The following LRRC4B variants were observed in gnomAD, a reference collection of about 807,000 sequenced individuals.
LRRC4B encodes leucine-rich repeat-containing protein 4B.
A neutral mutation model predicts 7.3 loss-of-function variants in LRRC4B; 1 was observed. That is an observed-to-expected ratio of 0.14 (90% CI 0.05 to 0.65). The LOEUF (loss-of-function observed/expected upper bound fraction) is 0.65. Ranked by LOEUF, LRRC4B falls within the 30% of genes least tolerant of loss-of-function variation. The pLI is 0.84. For missense variants in LRRC4B, 730 were observed against 1,041.6 expected, an observed-to-expected ratio of 0.70 and a Z score of 4.12; for synonymous variants, 500 against 499.2, an observed-to-expected ratio of 1.00 and a Z score of -0.02.
intron 2 of LRRC4B, among the ~76,000 whole-genome samples, chr19:50,532,111 C>G (rs1303714044): frequency 6.6e-6 from 1 of 152,164 alleles, no homozygotes; most frequent in African/African-American, 2.4e-5. Context: ...TGGCACACTC[C>G]TGTAGTCCCA....
intron 1 of LRRC4B, among the ~76,000 whole-genome samples, chr19:50,565,309 A>G (rs922271662): frequency 6.6e-6 from 1 of 152,214 alleles, no homozygotes; most frequent in African/African-American, 2.4e-5. Context: ...ACGAGGCCAC[A>G]GGACCACAAG....
Position 50,568,342 on chromosome 19 carries a change from C to G in LRRC4B, c.-434G>C, listed in dbSNP as rs1184316258. Among the ~76,000 whole-genome samples the G allele has an allele frequency of 6.8e-6, 1 of 147,336 alleles. No individual in the cohort carries two copies. Among genetic ancestry groups the G allele is most frequent in the Non-Finnish European group, 1.5e-5 (1 of 65,884 alleles). ...CGCCGCTCTCCCCCCACCCCACCCC[C>G]CCCCAGGCCCCGGCCCCGGCCCCGG... On this transcript the variant is annotated 5_prime_UTR_variant, in exon 1 of 3. Coordinates refer to ENST00000652263, the MANE Select transcript of LRRC4B (RefSeq NM_001080457.2).
Position 50,518,524 on chromosome 19 carries a change from G to T in LRRC4B, c.1189C>A (p.Leu397Met). ...TGTSMTSVNW[L>M]TPNGTLMTHG... is the part of the protein sequence containing the mutation. ...GTCATGAGGGTGCCGTTGGGCGTCA[G>T]CCAGTTGACGGAGGTCATGGAGGTG... Residue 397 changes from leucine (L) to methionine (M), a missense_variant, in exon 3 of 3, where the codon CTG becomes ATG. Transcript: ENST00000652263. 1 of 1,572,644 alleles carries T rather than the reference G, an allele frequency of 6.4e-7. No individual in the cohort carries two copies. Among genetic ancestry groups the T allele is most frequent in the Non-Finnish European group, 8.6e-7 (1 of 1,156,900 alleles).
rs1315086727 is a variant in LRRC4B at position 50,553,426 on chromosome 19, C to T, written c.-35-4553G>A. On this transcript the variant is annotated intron_variant, in intron 1 of 2. Transcript: ENST00000652263. This position sits in a 1 kb window ranked among gnomAD's most constrained non-coding sequence, Gnocchi z 4.2. The stretch of plus-strand genomic sequence containing the variant: ...TCATCGCTTCCCTCCTCCCCCTGCT[C>T]ACTCGCTGTTTCCAGAACAGGCCGT... Among the ~76,000 whole-genome samples, 1 of 152,216 alleles carries T rather than the reference C, an allele frequency of 6.6e-6. No individual in the cohort carries two copies. Among genetic ancestry groups the T allele is most frequent in the Non-Finnish European group, 1.5e-5 (1 of 68,044 alleles).
chr19:50,518,791 G>A lies in LRRC4B; in HGVS notation c.922C>T (p.Leu308Phe). The A allele has an allele frequency of 1.2e-6, 2 of 1,614,138 alleles. No homozygotes were observed. Among genetic ancestry groups the A allele is most frequent in the Non-Finnish European group, 1.7e-6 (2 of 1,179,990 alleles). ...TPLHRLERVH[L>F]NHNPWHCNCD... ...TTGCAATGCCAGGGGTTGTGGTTGA[G>A]GTGCACGCGCTCGAGGCGGTGCAGG... Residue 308 changes from leucine (L) to phenylalanine (F), a missense_variant, in exon 3 of 3, where the codon CTC (leucine) becomes TTC (phenylalanine). Transcript: ENST00000652263.
intron 2 of LRRC4B, among the ~76,000 whole-genome samples, chr19:50,520,132 G>A (rs2122766347): frequency 7.0e-6 from 1 of 142,372 alleles, no homozygotes; most frequent in African/African-American, 2.6e-5. Flanking sequence ...CGTGAGCCTG[G>A]AAAGTGAAGG....
At chr19:50,535,852 C>T (rs989329581) in intron 2 of LRRC4B, among the ~76,000 whole-genome samples, 3 of 152,230 alleles carry the variant, frequency 2.0e-5, no homozygotes, top group African/African-American at 4.8e-5. Flanking sequence ...GATGGCTACC[C>T]GCCTCCCACC....
At position 50,552,358 on chromosome 19, in the gene LRRC4B, G is replaced by A. The variant is rs372906368; in HGVS notation, c.-35-3485C>T. On this transcript the variant is annotated intron_variant, in intron 1 of 2. Transcript: ENST00000652263. Reference sequence around the variant, plus strand: ...ATACCACACCTGATATACCGGCACTGGAACCTGCGCCCTGCACCGTCACCC... The same window carrying A: ...ATACCACACCTGATATACCGGCACTAGAACCTGCGCCCTGCACCGTCACCC... Among the ~76,000 whole-genome samples, 5 of 151,972 alleles carry A rather than the reference G, an allele frequency of 3.3e-5. No homozygotes were observed. The East Asian group carries it at 9.7e-4, about 29-fold the overall frequency.
At chr19:50,532,366 C>T (rs1291847058) in intron 2 of LRRC4B, among the ~76,000 whole-genome samples, 1 of 152,220 alleles carries the variant, frequency 6.6e-6, no homozygotes, top group Non-Finnish European at 1.5e-5. Flanking sequence ...CAGACCTTGC[C>T]ACATCCCCAC....
At position 50,562,730 on chromosome 19, in the gene LRRC4B, G is replaced by GTT. The variant is rs778453544; in HGVS notation, c.-36+5212_-36+5213dup. On this transcript the variant is annotated intron_variant, in intron 1 of 2. Transcript: ENST00000652263. ...ACTCTCTTCCTCCTCTCCATCCAGGGTTTTTTTTTTTGTTTTTTTTTTTTT... is the reference window on the plus strand; with the variant it reads ...ACTCTCTTCCTCCTCTCCATCCAGGGTTTTTTTTTTTTTGTTTTTTTTTTTTT... Among the ~76,000 whole-genome samples, 125 of 136,128 alleles carry GTT rather than the reference G, an allele frequency of 9.2e-4. No homozygotes were observed. The East Asian group carries it at 9.2e-3, about 10-fold the overall frequency. 89.3% of individuals were successfully genotyped at this position (136,128 alleles called of 152,430 possible).
chr19:50,534,520 A>G (rs373117050), intron 2 of LRRC4B, among the ~76,000 whole-genome samples: 1 of 152,288 alleles, frequency 6.6e-6, no homozygotes, highest in African/African-American at 2.4e-5. Context: ...CCACACTTCC[A>G]AGTTCCCTGG....
At chr19:50,526,139 G>A (rs2122794969) in intron 2 of LRRC4B, among the ~76,000 whole-genome samples, 1 of 152,100 alleles carries the variant, frequency 6.6e-6, no homozygotes, top group South Asian at 2.1e-4. Context: ...CCCATGCCCC[G>A]CTGTGCTGCC....
In LRRC4B at chr19:50,553,468, G is replaced by T. The variant is rs1297434191; in HGVS notation, c.-35-4595C>A. On this transcript the variant is annotated intron_variant, in intron 1 of 2. Coordinates refer to ENST00000652263, the MANE Select transcript of LRRC4B (RefSeq NM_001080457.2). The surrounding 1 kb of genome is among the most constrained non-coding windows in gnomAD (Gnocchi z 4.2). ...ACAGGCCGTGCACACCCCGGCCCCA[G>T]GGCCTTTGCACCTGCTCTTCCCTTT... is the stretch of plus-strand genomic sequence containing the variant. Among the ~76,000 whole-genome samples the T allele has an allele frequency of 3.3e-5, 5 of 152,190 alleles. No individual in the cohort carries two copies. The highest frequency in any genetic ancestry group is 1.2e-4 in the African/African-American group (5 of 41,452).
At position 50,517,196 on chromosome 19, in the gene LRRC4B, G is replaced by T; in HGVS notation, c.*375C>A. ...CTGAACCGTAAAAGGAAGGTGTTTGGGGCCGAGGGGAAAGGACACCCCTGG... is the reference window on the plus strand; with the variant it reads ...CTGAACCGTAAAAGGAAGGTGTTTGTGGCCGAGGGGAAAGGACACCCCTGG... On this transcript the variant is annotated 3_prime_UTR_variant, in exon 3 of 3. Transcript: ENST00000652263. The surrounding 1 kb of genome is among the most constrained non-coding windows in gnomAD (Gnocchi z 6.6). 5.7e-6 allele frequency: 1 copy of T among 176,032 alleles called. No individual in the cohort carries two copies. Among genetic ancestry groups the T allele is most frequent in the East Asian group, 1.4e-4 (1 of 6,932 alleles). 10.9% of individuals were successfully genotyped at this position (176,032 alleles called of 1,614,324 possible).
intron 2 of LRRC4B, among the ~76,000 whole-genome samples, chr19:50,532,647 A>C (rs1378432429): frequency 6.6e-6 from 1 of 151,236 alleles, no homozygotes; most frequent in East Asian, 1.9e-4. Context: ...ACACACACAC[A>C]CTCTCTTATT....
In LRRC4B at chr19:50,543,621, G is replaced by A. The variant is rs540932147; in HGVS notation, c.297+4921C>T. ...AATCTCAGCACTTTGGGAGGCCGAG[G>A]TGGGCGGATCCCTTGAGGCCAGGAG... On this transcript the variant is annotated intron_variant, in intron 2 of 2. Transcript: ENST00000652263. Among the ~76,000 whole-genome samples, 4 of 152,024 alleles carry A rather than the reference G, an allele frequency of 2.6e-5. No individual in the cohort carries two copies. In the East Asian group the frequency reaches 7.7e-4, roughly 29 times the overall value.
intron 1 of LRRC4B, among the ~76,000 whole-genome samples, chr19:50,551,380 G>T (rs1475913336): frequency 2.6e-5 from 4 of 150,986 alleles, no homozygotes; most frequent in Admixed American, 1.3e-4. Context: ...CCCACCCCTG[G>T]GGGGGGCTGT....
In LRRC4B at chr19:50,518,972, G is replaced by T. The variant is rs763566039; in HGVS notation, c.741C>A (p.Gly247=). The change falls in exon 3 of 3, where the codon GGC becomes GGA. Residue 247 remains glycine, a synonymous_variant. Coordinates refer to ENST00000652263, the MANE Select transcript of LRRC4B (RefSeq NM_001080457.2). ...GCAGGCTGGTGAGACCCTGGAAGGAGCCCGGGCGGATCAGGTCCAGCCGGT... is the reference window on the plus strand; with the variant it reads ...GCAGGCTGGTGAGACCCTGGAAGGATCCCGGGCGGATCAGGTCCAGCCGGT... The part of the protein sequence containing the change: ...SGNRLDLIRP[G]SFQGLTSLRK... The T allele has an allele frequency of 1.5e-5, 24 of 1,613,412 alleles. No individual in the cohort carries two copies. Among genetic ancestry groups the T allele is most frequent in the East Asian group, 2.2e-5 (1 of 44,878 alleles).
rs932329114 is a variant in LRRC4B at position 50,567,517 on chromosome 19, C to T, written c.-36+427G>A. ...CCCCATCACTGGCGTGCCCCCCCCA[C>T]CCCAAGCAGCAGCGGTGTGGAGGGT... On this transcript the variant is annotated intron_variant, in intron 1 of 2. Transcript: ENST00000652263. 4.0e-5 allele frequency among the ~76,000 whole-genome samples: 6 copies of T among 151,798 alleles called. No homozygotes were observed. In the East Asian group the frequency reaches 1.2e-3, roughly 30 times the overall value.
Sources: gnomAD v4.1 joint callset for allele counts (sites outside exome capture counted in the v4.1 genomes callset) on GRCh38, gnomAD v4.1.1 for gene constraint, Gnocchi (gnomAD v3.1) non-coding constraint, MANE v1.5 for transcripts, NCBI Gene and HGNC (gene_info 2026-07-23, HGNC 2026-07-21) for gene names.